DELE1: variants seen among roughly 807,000 people sequenced by gnomAD.
The protein encoded by DELE1 is death ligand signal enhancer.
A neutral mutation model predicts 59.3 loss-of-function variants in DELE1; 54 were observed. The observed-to-expected ratio is 0.91, with a 90% confidence interval of 0.73 to 1.14. The LOEUF (loss-of-function observed/expected upper bound fraction) is 1.14, where lower values mean the gene tolerates loss of function less well. DELE1 is among the 50% of genes most tolerant of loss of function. The pLI, the probability that DELE1 is intolerant of heterozygous loss-of-function variation, is 0.00. For missense variants in DELE1, 636 were observed against 643.9 expected, an observed-to-expected ratio of 0.99 and a Z score of 0.13; for synonymous variants, 264 against 259.1, an observed-to-expected ratio of 1.02 and a Z score of -0.18.
intron 10 of DELE1, among the ~76,000 whole-genome samples, chr5:141,935,881 G>A (rs1234314929): frequency 4.6e-5 from 7 of 152,214 alleles, no homozygotes; most frequent in Admixed American, 4.6e-4. Flanking sequence ...GGTTTGTACT[G>A]AGCAGTGTTG....
In DELE1 at chr5:141,938,571, C is replaced by A; in HGVS notation, c.1360C>A (p.Pro454Thr). The A allele has an allele frequency of 6.2e-7, 1 of 1,614,108 alleles. No homozygotes were observed. ...TVTGLKSFSS[P>T]SLCSLNTLLA... Reference sequence around the variant, plus strand: ...TACAGGACTGAAGTCTTTCTCCAGCCCCTCCCTCTGCAGCTTGAACACCCT... The same window carrying A: ...TACAGGACTGAAGTCTTTCTCCAGCACCTCCCTCTGCAGCTTGAACACCCT... Residue 454 changes from proline (P) to threonine (T), a missense_variant, in exon 12 of 12, where the codon CCC (proline) becomes ACC (threonine). By Grantham distance (38) the Pro-to-Thr change is conservative (BLOSUM62 -1). Transcript: ENST00000432126.
At chr5:141,936,960 A>T (rs1752409498) in intron 10 of DELE1, 1 of 1,336,762 alleles carries the variant, frequency 7.5e-7, no homozygotes, top group Non-Finnish European at 9.6e-7. Flanking sequence ...AAGCCTCCAC[A>T]CTGCCCTGGC....
In DELE1 at chr5:141,924,076, A is replaced by T. The variant is rs1022365660; in HGVS notation, c.31+104A>T. ...CCGAAGCGATCGTGGGCCGGGTTAG[A>T]GCCAAGGAAGGCGGGGCTTGAAAGA... is the stretch of plus-strand genomic sequence containing the variant. On this transcript the variant is annotated intron_variant, in intron 1 of 11. Coordinates refer to ENST00000432126, the MANE Select transcript of DELE1 (RefSeq NM_014773.5). 11 of 1,444,182 alleles carry T rather than the reference A, an allele frequency of 7.6e-6. No individual in the cohort carries two copies. In the Admixed American group the frequency reaches 1.2e-4, roughly 15 times the overall value. 89.5% of individuals were successfully genotyped at this position (1,444,182 alleles called of 1,614,324 possible). A position where few individuals can be genotyped will look rare whatever the true frequency, so the allele number is the denominator to read the frequency against.
Position 141,938,647 on chromosome 5 carries a change from GCCT to G in DELE1, c.1441_1443del (p.Leu481del). Reference sequence around the variant, plus strand: ...CATGCCTCGAGCACAGGCAACCTTGGCCTCCTCTGCAGAAGTGGGCATCTCGGA... The same window carrying G: ...CATGCCTCGAGCACAGGCAACCTTGGCCTCTGCAGAAGTGGGCATCTCGGA... On this transcript the variant is annotated inframe_deletion, in exon 12 of 12. Coordinates refer to ENST00000432126, the MANE Select transcript of DELE1 (RefSeq NM_014773.5). 6.2e-7 allele frequency: 1 copy of G among 1,614,010 alleles called. No homozygotes were observed. The highest frequency in any genetic ancestry group is 1.1e-5 in the South Asian group (1 of 91,072).
chr5:141,940,379 A>G lies in DELE1; in HGVS notation c.*1620A>G, dbSNP rs1752663451. ...TTCCCTGGCTTCTGGATGTTAGCCC[A>G]AGTTGAATAGCATAGATGTGGTTGA... On this transcript the variant is annotated 3_prime_UTR_variant, in exon 12 of 12. Coordinates refer to ENST00000432126, the MANE Select transcript of DELE1 (RefSeq NM_014773.5). 8.1e-6 allele frequency: 8 copies of G among 985,324 alleles called. No homozygotes were observed. In the South Asian group the frequency reaches 2.3e-4, roughly 29 times the overall value. The allele number at this position is 985,324 out of a possible 1,614,324, so 61.0% of individuals were successfully genotyped here. A position where few individuals can be genotyped will look rare whatever the true frequency, so the allele number is the denominator to read the frequency against.
rs559863173 is a variant in DELE1, at chr5:141,935,052, C to T, written c.1149+466C>T. 1.2e-4 allele frequency: 20 copies of T among 163,964 alleles called. No individual in the cohort carries two copies. The South Asian group carries it at 3.3e-3, about 27-fold the overall frequency. 10.2% of individuals were successfully genotyped at this position (163,964 alleles called of 1,614,324 possible). A position where few individuals can be genotyped will look rare whatever the true frequency, so the allele number is the denominator to read the frequency against. On this transcript the variant is annotated intron_variant, in intron 10 of 11. Coordinates refer to ENST00000432126, the MANE Select transcript of DELE1 (RefSeq NM_014773.5). ...TAACTGAGATAACTAACAGGTGTGACAGTGCTGTGAAACCTGTACACATGA... is the reference window on the plus strand; with the variant it reads ...TAACTGAGATAACTAACAGGTGTGATAGTGCTGTGAAACCTGTACACATGA...
At chr5:141,929,089 G>C (rs892909850) in intron 4 of DELE1, among the ~76,000 whole-genome samples, 3 of 152,140 alleles carry the variant, frequency 2.0e-5, no homozygotes, top group African/African-American at 7.2e-5. Flanking sequence ...ACAAATACAG[G>C]CCCCTCTAGA....
Position 141,937,293 on chromosome 5 carries a change from A to G in DELE1, c.1245A>G (p.Ser415=), listed in dbSNP as rs1752435914. 1.2e-6 allele frequency: 2 copies of G among 1,614,100 alleles called. No individual in the cohort carries two copies. Among genetic ancestry groups the G allele is most frequent in the East Asian group, 4.5e-5 (2 of 44,890 alleles). Residue 415 remains serine (S), a synonymous_variant, in exon 11 of 12, where the codon TCA becomes TCG. Transcript: ENST00000432126. ...LGEALRCYQQ[S]AALGNEAAQE... ...AGGCCTTGAGATGTTACCAGCAGTCAGCCGCTCTGGGAAATGAGGCCGCCC... is the reference window on the plus strand; with the variant it reads ...AGGCCTTGAGATGTTACCAGCAGTCGGCCGCTCTGGGAAATGAGGCCGCCC...
At position 141,935,182 on chromosome 5, in the gene DELE1, C is replaced by G. The variant is rs148485465; in HGVS notation, c.1149+596C>G. On this transcript the variant is annotated intron_variant, in intron 10 of 11. Transcript: ENST00000432126. Reference sequence around the variant, plus strand: ...CTCAGTTTGGGGTGGGTGGGGATGTCTGGTTGTCTGTGAACTGGGGTCATT... The same window carrying G: ...CTCAGTTTGGGGTGGGTGGGGATGTGTGGTTGTCTGTGAACTGGGGTCATT... 9.2e-5 allele frequency among the ~76,000 whole-genome samples: 14 copies of G among 152,198 alleles called. No homozygotes were observed. In the East Asian group the frequency reaches 2.7e-3, roughly 29 times the overall value.
Position 141,940,692 on chromosome 5 carries a change from T to C in DELE1, c.*1933T>C. On this transcript the variant is annotated 3_prime_UTR_variant, in exon 12 of 12. Transcript: ENST00000432126. The stretch of plus-strand genomic sequence containing the variant: ...GCTGCCCTGCACACTGGCTCACCAC[T>C]GTTGGACCCTGCACATGGCCACCTT... 1.0e-6 allele frequency: 1 copy of C among 980,222 alleles called. No homozygotes were observed. The highest frequency in any genetic ancestry group is 1.2e-6 in the Non-Finnish European group (1 of 825,180). 60.7% of individuals were successfully genotyped at this position (980,222 alleles called of 1,614,324 possible).
At chr5:141,935,224 A>G (rs914780939) in intron 10 of DELE1, among the ~76,000 whole-genome samples, 1 of 152,210 alleles carries the variant, frequency 6.6e-6, no homozygotes, top group South Asian at 2.1e-4. Context: ...CAGACAATTC[A>G]GATGTGTTCC....
intron 4 of DELE1, among the ~76,000 whole-genome samples, chr5:141,928,808 A>G (rs1751634852): frequency 6.6e-6 from 1 of 152,038 alleles, no homozygotes; most frequent in Admixed American, 6.5e-5. Flanking sequence ...AAATTGGGGT[A>G]ATAATAAAAC....
At chr5:141,937,743 C>T (rs1288809027) in intron 11 of DELE1, among the ~76,000 whole-genome samples, 3 of 122,982 alleles carry the variant, frequency 2.4e-5, no homozygotes, top group African/African-American at 9.2e-5. Flanking sequence ...TGCACTCCAG[C>T]CTGGGTGACA....
intron 3 of DELE1, among the ~76,000 whole-genome samples, chr5:141,926,840 A>G (rs993024434): frequency 2.6e-5 from 4 of 152,218 alleles, no homozygotes; most frequent in African/African-American, 9.6e-5. Flanking sequence ...GTGGGCCTGG[A>G]TTCCAGAAGT....
At chr5:141,925,986 TCTC>T (rs753316223) in intron 3 of DELE1, among the ~76,000 whole-genome samples, 2 of 152,086 alleles carry the variant, frequency 1.3e-5, no homozygotes, top group Non-Finnish European at 2.9e-5. Context: ...TTCAAGCAAT[TCTC>T]CTGCTTCAGC....
At position 141,932,066 on chromosome 5, in the gene DELE1, G is replaced by C. The variant is rs149005368; in HGVS notation, c.755-1193G>C. On this transcript the variant is annotated intron_variant, in intron 7 of 11. Coordinates refer to ENST00000432126, the MANE Select transcript of DELE1 (RefSeq NM_014773.5). Reference sequence around the variant, plus strand: ...GAGACAGGACTTGTACTTTTGAAACGGTTTAGTTTGTAGAAAAAGGCTTGG... The same window carrying C: ...GAGACAGGACTTGTACTTTTGAAACCGTTTAGTTTGTAGAAAAAGGCTTGG... Among the ~76,000 whole-genome samples the C allele has an allele frequency of 8.3e-4, 127 of 152,240 alleles. 1 individual carries two copies. The highest frequency in any genetic ancestry group is 3.4e-3 in the Middle Eastern group (1 of 294).
At chr5:141,936,682 C>T (rs990111388) in intron 10 of DELE1, among the ~76,000 whole-genome samples, 1 of 152,150 alleles carries the variant, frequency 6.6e-6, no homozygotes, top group Non-Finnish European at 1.5e-5. Flanking sequence ...ATCTGCCCAC[C>T]TTGCCCTCCC....
chr5:141,931,911 T>C (rs1751943633), intron 7 of DELE1, among the ~76,000 whole-genome samples: 1 of 152,218 alleles, frequency 6.6e-6, no homozygotes, highest in South Asian at 2.1e-4. Context: ...CTTGGCATGG[T>C]GGCAGAACGC....
chr5:141,928,349 G>C (rs773402752), intron 4 of DELE1, 51 bp downstream of exon 4: 28 of 1,579,992 alleles, frequency 1.8e-5, no homozygotes, highest in Non-Finnish European at 2.3e-5. Context: ...GTTTCTCTGG[G>C]CCAGGAAGCG....
Sources: gnomAD v4.1 joint callset for allele counts (sites outside exome capture counted in the v4.1 genomes callset) on GRCh38, gnomAD v4.1.1 for gene constraint, MANE v1.5 for transcripts, NCBI Gene and HGNC (gene_info 2026-07-23, HGNC 2026-07-21) for gene names.